MMP17: variants seen among roughly 807,000 people sequenced by gnomAD.
The protein encoded by MMP17 is matrix metalloproteinase-17.
In MMP17, 54 loss-of-function variants were observed where a neutral mutation model predicts 49.1. The ratio of observed to expected loss-of-function variants is 1.10; its 90% CI spans 0.88 to 1.38. The LOEUF is 1.38. Among genes scored for constraint, MMP17 ranks in the 40% most tolerant of loss-of-function variants. MMP17 has a pLI of 0.00. For missense variants in MMP17, 837 were observed against 853.7 expected, an observed-to-expected ratio of 0.98 and a Z score of 0.24; for synonymous variants, 397 against 383.1, an observed-to-expected ratio of 1.04 and a Z score of -0.42.
At chr12:131,834,108 C>T (rs1291712468) in intron 1 of MMP17, among the ~76,000 whole-genome samples, 1 of 152,238 alleles carries the variant, frequency 6.6e-6, no homozygotes, top group East Asian at 1.9e-4. Context: ...CTGTGCCCCC[C>T]AGGGCAGGGC....
Position 131,840,738 on chromosome 12 carries a change from C to T in MMP17, c.588C>T (p.Asp196=), listed in dbSNP as rs1566087593. 10 of 1,604,428 alleles carry T rather than the reference C, an allele frequency of 6.2e-6. No homozygotes were observed. The highest frequency in any genetic ancestry group is 2.2e-5 in the East Asian group (1 of 44,886). The change falls in exon 4 of 10, where the codon GAC becomes GAT. Residue 196 remains aspartate (D), a synonymous_variant. Transcript: ENST00000360564. The part of the protein sequence containing the change: ...QIDFSKADHN[D]GYPFDGPGGT... ...ACTTCTCCAAGGCCGACCATAACGA[C>T]GGCTACCCCTTCGACGGCCCCGGCG...
Position 131,851,284 on chromosome 12 carries a change from C to G in MMP17, c.*10C>G, listed in dbSNP as rs531146846. The stretch of plus-strand genomic sequence containing the variant: ...GGCCCTGACGCTATGACACACAGCG[C>G]GAGCCCATGAGAGGACAGAGGCGGT... On this transcript the variant is annotated 3_prime_UTR_variant, in exon 10 of 10. Coordinates refer to ENST00000360564, the MANE Select transcript of MMP17 (RefSeq NM_016155.7). The G allele has an allele frequency of 7.2e-7, 1 of 1,398,324 alleles. No individual in the cohort carries two copies. The highest frequency in any genetic ancestry group is 9.3e-7 in the Non-Finnish European group (1 of 1,072,456). The allele number at this position is 1,398,324 out of a possible 1,614,324, so 86.6% of individuals were successfully genotyped here. A position where few individuals can be genotyped will look rare whatever the true frequency, so the allele number is the denominator to read the frequency against.
At chr12:131,830,570 C>G (rs1450370635) in intron 1 of MMP17, among the ~76,000 whole-genome samples, 2 of 152,234 alleles carry the variant, frequency 1.3e-5, no homozygotes, top group Non-Finnish European at 2.9e-5. Flanking sequence ...GCGGCTTCCC[C>G]GCGGGGAGGG....
chr12:131,833,839 G>A (rs986854671), intron 1 of MMP17, among the ~76,000 whole-genome samples: 2 of 152,212 alleles, frequency 1.3e-5, no homozygotes, highest in South Asian at 2.1e-4. Flanking sequence ...TGCCCTGGGC[G>A]GGAGGGGCCG....
Position 131,848,994 on chromosome 12 carries a change from C to T in MMP17, c.1205-808C>T, listed in dbSNP as rs539645262. ...GTTTTGGGGAGCCTATGTTCTGTCTCCCGCAGCGGCTGCACAATTTCATAC... is the reference window on the plus strand; with the variant it reads ...GTTTTGGGGAGCCTATGTTCTGTCTTCCGCAGCGGCTGCACAATTTCATAC... On this transcript the variant is annotated intron_variant, in intron 8 of 9. Transcript: ENST00000360564. Among the ~76,000 whole-genome samples, 35 of 152,328 alleles carry T rather than the reference C, an allele frequency of 2.3e-4. No individual in the cohort carries two copies. The East Asian group carries it at 5.6e-3, about 24-fold the overall frequency.
chr12:131,837,577 C>G (rs1399909204), intron 1 of MMP17, among the ~76,000 whole-genome samples: 1 of 152,224 alleles, frequency 6.6e-6, no homozygotes, highest in Non-Finnish European at 1.5e-5. Context: ...TGACACTGGC[C>G]ACATTTAAGA....
chr12:131,850,848 G>T, intron 9 of MMP17, 77 bp from the exon 10 acceptor site: 2 of 1,161,354 alleles, frequency 1.7e-6, no homozygotes, highest in South Asian at 2.1e-5. Flanking sequence ...TGAGCCCAAC[G>T]CTCCCTCCTC....
At chr12:131,841,500 C>A in intron 4 of MMP17, 124 bp from the exon 5 acceptor site, 1 of 1,001,764 alleles carries the variant, frequency 1.0e-6, no homozygotes, top group Non-Finnish European at 1.5e-6. Flanking sequence ...CAGAATCCCT[C>A]TGGCGCAGCC....
chr12:131,847,658 G>A (rs1887779917), intron 8 of MMP17, among the ~76,000 whole-genome samples: 1 of 152,242 alleles, frequency 6.6e-6, no homozygotes, highest in Non-Finnish European at 1.5e-5. Context: ...CTCCAGATCA[G>A]GTTCTGGTTT....
At position 131,845,320 on chromosome 12, in the gene MMP17, C is replaced by T. The variant is rs754540566; in HGVS notation, c.1075C>T (p.Arg359Trp). Residue 359 changes from arginine to tryptophan, a missense_variant, in exon 8 of 10, where the codon CGG becomes TGG. By Grantham distance (101) the Arg-to-Trp change is moderately radical (BLOSUM62 -3). Coordinates refer to ENST00000360564, the MANE Select transcript of MMP17 (RefSeq NM_016155.7). ...AGGCAAGTACTTCTGGCGGCTGACGCGGGACCGGCACCTGGTGTCCCTGCA... is the reference window on the plus strand; with the variant it reads ...AGGCAAGTACTTCTGGCGGCTGACGTGGGACCGGCACCTGGTGTCCCTGCA... ...FKGKYFWRLT[R>W]DRHLVSLQPA... 1.9e-5 allele frequency: 30 copies of T among 1,606,170 alleles called. No homozygotes were observed. Among genetic ancestry groups the T allele is most frequent in the Non-Finnish European group, 2.3e-5 (27 of 1,175,486 alleles).
At chr12:131,830,014 C>G (rs1160419164) in intron 1 of MMP17, among the ~76,000 whole-genome samples, 2 of 150,138 alleles carry the variant, frequency 1.3e-5, no homozygotes, top group Non-Finnish European at 2.9e-5. Flanking sequence ...CTGAGAATCA[C>G]GCCCTGGGGG....
At chr12:131,833,067 T>C (rs549299575) in intron 1 of MMP17, among the ~76,000 whole-genome samples, 1 of 152,234 alleles carries the variant, frequency 6.6e-6, no homozygotes, top group Non-Finnish European at 1.5e-5. Context: ...GAGCTGAGGA[T>C]ACATGTCCGA....
chr12:131,839,361 G>GT (rs980763344), intron 3 of MMP17, among the ~76,000 whole-genome samples: 1 of 151,642 alleles, frequency 6.6e-6, no homozygotes, highest in African/African-American at 2.4e-5. Context: ...CACCCAGGCT[G>GT]GAGTGCAGTG....
intron 9 of MMP17, among the ~76,000 whole-genome samples, chr12:131,850,334 T>C (rs1196602132): frequency 6.6e-6 from 1 of 152,150 alleles, no homozygotes; most frequent in Non-Finnish European, 1.5e-5. Flanking sequence ...CCCAGGGCCT[T>C]GGCACTGGCC....
In MMP17 at chr12:131,846,962, C is replaced by T. The variant is rs1288078441; in HGVS notation, c.1204+1513C>T. Among the ~76,000 whole-genome samples the T allele has an allele frequency of 1.3e-5, 2 of 152,024 alleles. No individual in the cohort carries two copies. Among genetic ancestry groups the T allele is most frequent in the Admixed American group, 6.6e-5 (1 of 15,246 alleles). On this transcript the variant is annotated intron_variant, in intron 8 of 9. Transcript: ENST00000360564. The surrounding 1 kb of genome is among the most constrained non-coding windows in gnomAD (Gnocchi z 4.6). ...CTGGGAGCCCTCCGGTGACTGTTCC[C>T]GGAGGCCTGATCCCTCCTGAAGGGA...
In MMP17 at chr12:131,845,175, C is replaced by T. The variant is rs1233637911; in HGVS notation, c.1026C>T (p.Ile342=). ...CTCACTTTGACGCGGTGGCCCAGATCCGGGGTGAAGCTTTCTTCTTCAAAG... is the reference window on the plus strand; with the variant it reads ...CTCACTTTGACGCGGTGGCCCAGATTCGGGGTGAAGCTTTCTTCTTCAAAG... The part of the protein sequence containing the change: ...CSTHFDAVAQ[I]RGEAFFFKGK... Residue 342 remains isoleucine (I), a synonymous_variant, in exon 7 of 10, where the codon ATC becomes ATT. Coordinates refer to ENST00000360564, the MANE Select transcript of MMP17 (RefSeq NM_016155.7). The T allele has an allele frequency of 6.2e-7, 1 of 1,614,102 alleles. No individual in the cohort carries two copies. Among genetic ancestry groups the T allele is most frequent in the Admixed American group, 1.7e-5 (1 of 60,032 alleles).
At chr12:131,843,952 C>T (rs1217453730) in intron 5 of MMP17, 45 bp from the exon 6 acceptor site, 22 of 1,324,482 alleles carry the variant, frequency 1.7e-5, no homozygotes, top group Middle Eastern at 2.3e-4. Context: ...TGGGGGGAGG[C>T]GGGCGTCGGG....
At chr12:131,833,977 G>A (rs1179409288) in intron 1 of MMP17, among the ~76,000 whole-genome samples, 2 of 152,244 alleles carry the variant, frequency 1.3e-5, no homozygotes, top group Non-Finnish European at 2.9e-5. Flanking sequence ...CCCTCTTAAG[G>A]CTGGAAACAG....
chr12:131,848,575 G>A (rs1023254422), intron 8 of MMP17, among the ~76,000 whole-genome samples: 6 of 136,286 alleles, frequency 4.4e-5, no homozygotes, highest in Admixed American at 2.2e-4. Flanking sequence ...GCCCCGCCCC[G>A]CCCCTGGGCA....
Sources: gnomAD v4.1 joint callset for allele counts (sites outside exome capture counted in the v4.1 genomes callset) on GRCh38, gnomAD v4.1.1 for gene constraint, Gnocchi (gnomAD v3.1) non-coding constraint, MANE v1.5 for transcripts, NCBI Gene and HGNC (gene_info 2026-07-23, HGNC 2026-07-21) for gene names.